TRPC1: variants seen among roughly 807,000 people sequenced by gnomAD.
TRPC1 encodes the protein transient receptor potential cation channel subfamily C member 1, also known as short transient receptor potential channel 1.
TRPC1 carries 42 observed loss-of-function variants against 88.2 expected under a neutral mutation model. The ratio of observed to expected loss-of-function variants is 0.48; its 90% confidence interval spans 0.37 to 0.62. The LOEUF (loss-of-function observed/expected upper bound fraction) is 0.62. TRPC1 is among the 20% of genes least tolerant of loss of function. The probability of loss-of-function intolerance (pLI) is 0.00; values close to 1 mark genes in which losing one functional copy is unlikely to be tolerated. For synonymous variants in TRPC1, 288 were observed against 331.8 expected (o/e 0.87, Z 1.43); for missense variants, 699 against 957.3 (o/e 0.73, Z 3.56).
At chr3:142,759,502 T>C (rs1396151218) in intron 4 of TRPC1, among the ~76,000 whole-genome samples, 1 of 152,232 alleles carries the variant, frequency 6.6e-6, no homozygotes, top group East Asian at 1.9e-4. Flanking sequence ...TCATATCCTT[T>C]GCCCACTTTT....
chr3:142,760,190 T>C (rs939402824), intron 4 of TRPC1, among the ~76,000 whole-genome samples: 5 of 152,224 alleles, frequency 3.3e-5, no homozygotes, highest in African/African-American at 1.2e-4. Flanking sequence ...CCTGAAGAGT[T>C]TCCCCAATGT....
intron 7 of TRPC1, among the ~76,000 whole-genome samples, chr3:142,788,871 G>T (rs549914665): frequency 1.3e-5 from 2 of 152,146 alleles, no homozygotes; most frequent in Non-Finnish European, 2.9e-5. Flanking sequence ...TACATCAAGT[G>T]TATTAGCTTC....
chr3:142,725,109 T>G (rs1933622062), intron 1 of TRPC1, among the ~76,000 whole-genome samples: 2 of 152,302 alleles, frequency 1.3e-5, no homozygotes, highest in South Asian at 4.2e-4. Context: ...GAGAGGCTAG[T>G]TTCCGACACT....
At chr3:142,752,277 G>GTGA (rs1338222537) in intron 4 of TRPC1, among the ~76,000 whole-genome samples, 1 of 152,244 alleles carries the variant, frequency 6.6e-6, no homozygotes, top group African/African-American at 2.4e-5. Context: ...GGAGAGCAGG[G>GTGA]TGATAATAAG....
intron 4 of TRPC1, among the ~76,000 whole-genome samples, chr3:142,760,594 T>C: frequency 6.6e-6 from 1 of 152,200 alleles, no homozygotes; most frequent in East Asian, 1.9e-4. Flanking sequence ...AAGTTTAGTA[T>C]TATTTTTTCT....
intron 4 of TRPC1, among the ~76,000 whole-genome samples, chr3:142,752,441 G>A (rs1281994202): frequency 6.6e-6 from 1 of 152,226 alleles, no homozygotes; most frequent in Non-Finnish European, 1.5e-5. Context: ...CAATATTACT[G>A]CAAACATGTC....
chr3:142,732,723 C>T (rs59142566), intron 1 of TRPC1, among the ~76,000 whole-genome samples: 2,588 of 152,260 alleles, frequency 0.017, 76 homozygotes, highest in African/African-American at 0.06. Context: ...AGACTACCAT[C>T]TAGCCAAAAA....
chr3:142,740,295 A>G (rs955739200), intron 2 of TRPC1, among the ~76,000 whole-genome samples: 3 of 152,248 alleles, frequency 2.0e-5, no homozygotes, highest in African/African-American at 7.2e-5. Flanking sequence ...AGAAAGGAAA[A>G]CATTAAGTTC....
intron 4 of TRPC1, among the ~76,000 whole-genome samples, chr3:142,751,757 C>T (rs1347283075): frequency 6.6e-6 from 1 of 152,190 alleles, no homozygotes; most frequent in East Asian, 1.9e-4. Flanking sequence ...ACTCTTTCCT[C>T]ACCTTAAGAA....
chr3:142,776,456 G>A lies in TRPC1; in HGVS notation c.633-1176G>A, dbSNP rs1019015687. 2.6e-5 allele frequency among the ~76,000 whole-genome samples: 4 copies of A among 152,014 alleles called. No homozygotes were observed. Among genetic ancestry groups the A allele is most frequent in the Non-Finnish European group, 1.5e-5 (1 of 68,008 alleles). ...CTGGTTTGTTTTCTATTTAGGTATG[G>A]AAATTTGAATATTAATTTATAGATG... On this transcript the variant is annotated intron_variant, in intron 4 of 12. Transcript: ENST00000476941. This position sits in a 1 kb window ranked among gnomAD's most constrained non-coding sequence, Gnocchi z 4.1.
intron 1 of TRPC1, among the ~76,000 whole-genome samples, chr3:142,735,821 T>C (rs1577944842): frequency 6.6e-6 from 1 of 152,036 alleles, no homozygotes; most frequent in South Asian, 2.1e-4. Flanking sequence ...GGGAAGAGGA[T>C]TTTCAGACAT....
At chr3:142,777,318 G>C (rs1453759099) in intron 4 of TRPC1, among the ~76,000 whole-genome samples, 1 of 151,732 alleles carries the variant, frequency 6.6e-6, no homozygotes, top group Non-Finnish European at 1.5e-5. Context: ...AAAAAAAGTT[G>C]GTCCAGAAAT....
chr3:142,743,668 C>T (rs1284092015), intron 3 of TRPC1, 82 bp downstream of exon 3: 5 of 822,508 alleles, frequency 6.1e-6, no homozygotes, highest in Non-Finnish European at 8.5e-6. Flanking sequence ...TTCCTTCCCT[C>T]AAATTTATTT....
At chr3:142,804,220 A>G (rs759289407) in intron 11 of TRPC1, 42 bp downstream of exon 11, 2 of 1,579,808 alleles carry the variant, frequency 1.3e-6, no homozygotes, top group Non-Finnish European at 1.7e-6. Context: ...TCCTCAGACC[A>G]TACTAAGTGC....
intron 9 of TRPC1, among the ~76,000 whole-genome samples, chr3:142,795,207 T>G (rs1936415445): frequency 6.6e-6 from 1 of 152,022 alleles, no homozygotes; most frequent in African/African-American, 2.4e-5. Context: ...AAAGAGTATC[T>G]GTGAACTTTG....
intron 4 of TRPC1, among the ~76,000 whole-genome samples, chr3:142,774,372 C>T (rs1482703836): frequency 6.6e-6 from 1 of 152,208 alleles, no homozygotes; most frequent in Non-Finnish European, 1.5e-5. Context: ...TGGTCCACTG[C>T]TTGCCTCAAC....
At chr3:142,782,532 TG>T (rs1320802042) in intron 6 of TRPC1, among the ~76,000 whole-genome samples, 1 of 152,210 alleles carries the variant, frequency 6.6e-6, no homozygotes, top group Non-Finnish European at 1.5e-5. Flanking sequence ...ATTATGCTCT[TG>T]GATTCTTAGG....
At position 142,807,110 on chromosome 3, in the gene TRPC1, G is replaced by A. The variant is rs1342979824; in HGVS notation, c.*875G>A. 3.3e-5 allele frequency: 5 copies of A among 151,400 alleles called. No individual in the cohort carries two copies. Among genetic ancestry groups the A allele is most frequent in the Non-Finnish European group, 7.4e-5 (5 of 67,818 alleles). The allele number at this position is 151,400 out of a possible 1,614,324, so 9.4% of individuals were successfully genotyped here. ...ATTTTTTTTTCAAGTTGGAGTGAATGTTTTTAGTTTTAAGATAGATAGGAG... is the reference window on the plus strand; with the variant it reads ...ATTTTTTTTTCAAGTTGGAGTGAATATTTTTAGTTTTAAGATAGATAGGAG... On this transcript the variant is annotated 3_prime_UTR_variant, in exon 13 of 13. Transcript: ENST00000476941.
At chr3:142,754,276 A>G (rs1489121450) in intron 4 of TRPC1, among the ~76,000 whole-genome samples, 1 of 152,072 alleles carries the variant, frequency 6.6e-6, no homozygotes, top group Non-Finnish European at 1.5e-5. Flanking sequence ...TGTATTTTGA[A>G]ACTTCAAATA....
Sources: allele counts gnomAD v4.1 joint callset (sites outside exome capture counted in the v4.1 genomes callset), GRCh38; gene constraint gnomAD v4.1.1; non-coding constraint Gnocchi (gnomAD v3.1); transcripts MANE v1.5; gene names NCBI Gene and HGNC (gene_info 2026-07-23, HGNC 2026-07-21).